The following PPM1H variants were observed in gnomAD, a reference collection of about 807,000 sequenced individuals.
PPM1H encodes protein phosphatase, Mg2+/Mn2+ dependent 1H.
A neutral mutation model predicts 54.9 loss-of-function variants in PPM1H; 27 were observed. That is an observed-to-expected ratio of 0.49 (90% CI 0.36 to 0.68). The LOEUF (loss-of-function observed/expected upper bound fraction) is 0.68. Among genes scored for constraint, PPM1H ranks in the 30% least tolerant of loss-of-function variants. The probability of loss-of-function intolerance (pLI) is 0.00; values close to 1 mark genes in which losing one functional copy is unlikely to be tolerated. For missense variants in PPM1H, 596 were observed against 667.8 expected, an observed-to-expected ratio of 0.89 and a Z score of 1.19; for synonymous variants, 305 against 270.8, an observed-to-expected ratio of 1.13 and a Z score of -1.24.
At chr12:62,721,510 G>A (rs939991268) in intron 5 of PPM1H, among the ~76,000 whole-genome samples, 1 of 152,260 alleles carries the variant, frequency 6.6e-6, no homozygotes, top group African/African-American at 2.4e-5. Flanking sequence ...TGGGAATTCT[G>A]GATCACTTTG....
At chr12:62,838,336 T>G (rs550766879) in intron 1 of PPM1H, among the ~76,000 whole-genome samples, 2,838 of 101,730 alleles carry the variant, frequency 0.028, 57 homozygotes, top group East Asian at 0.094. Flanking sequence ...TGTGTGTGTG[T>G]GTGGGGGGGG....
chr12:62,698,135 G>A (rs1194238535), intron 6 of PPM1H, among the ~76,000 whole-genome samples: 1 of 151,892 alleles, frequency 6.6e-6, no homozygotes, highest in African/African-American at 2.4e-5. Flanking sequence ...GGACTTCCTG[G>A]AAGGAGCAGT....
chr12:62,743,075 G>T (rs2076391207), intron 4 of PPM1H, among the ~76,000 whole-genome samples: 1 of 152,184 alleles, frequency 6.6e-6, no homozygotes, highest in Non-Finnish European at 1.5e-5. Flanking sequence ...CTCAGGCCGG[G>T]CGCAGTGGCT....
intron 2 of PPM1H, among the ~76,000 whole-genome samples, chr12:62,826,230 C>A (rs1323281427): frequency 6.6e-6 from 1 of 152,082 alleles, no homozygotes; most frequent in East Asian, 1.9e-4. Flanking sequence ...TGGGCAGATC[C>A]CCTGAGGTCA....
At position 62,646,699 on chromosome 12, in the gene PPM1H, C is replaced by CCAA. The variant is rs1013022966; in HGVS notation, c.*1787_*1789dup. 2 of 152,292 alleles carry CCAA rather than the reference C, an allele frequency of 1.3e-5. No homozygotes were observed. Among genetic ancestry groups the CCAA allele is most frequent in the African/African-American group, 4.8e-5 (2 of 41,460 alleles). The allele number at this position is 152,292 out of a possible 1,614,324, so 9.4% of individuals were successfully genotyped here. On this transcript the variant is annotated 3_prime_UTR_variant, in exon 10 of 10. Transcript: ENST00000228705. ...AGGCCGAAGTCCCATTCTTCCCAGG[C>CCAA]CAACACTTGCACAAACACCTGGTGG... is the stretch of plus-strand genomic sequence containing the variant.
chr12:62,656,326 T>TAACA (rs1486797368), intron 9 of PPM1H, among the ~76,000 whole-genome samples: 1 of 152,198 alleles, frequency 6.6e-6, no homozygotes, highest in Non-Finnish European at 1.5e-5. Flanking sequence ...AAGGCTCCTG[T>TAACA]AACAGCCATG....
chr12:62,729,097 G>A (rs1032712588), intron 5 of PPM1H, among the ~76,000 whole-genome samples: 6 of 152,140 alleles, frequency 3.9e-5, no homozygotes, highest in African/African-American at 1.4e-4. Flanking sequence ...CTAGGGGTTT[G>A]GGGCTCAAAG....
chr12:62,802,226 T>A (rs1375339874), intron 2 of PPM1H, 66 bp from the exon 3 acceptor site: 1 of 1,325,298 alleles, frequency 7.5e-7, no homozygotes, highest in Admixed American at 2.8e-5. Flanking sequence ...TCATACAGAT[T>A]GTGGGACATC....
chr12:62,933,681 G>A (rs943230299), intron 1 of PPM1H, among the ~76,000 whole-genome samples: 1 of 152,136 alleles, frequency 6.6e-6, no homozygotes, highest in African/African-American at 2.4e-5. Context: ...AATAGTCAGT[G>A]GAAAAGTGGC....
At chr12:62,874,498 A>ATT (rs58540082) in intron 1 of PPM1H, among the ~76,000 whole-genome samples, 95 of 148,028 alleles carry the variant, frequency 6.4e-4, no homozygotes, top group African/African-American at 1.9e-3. Context: ...GCCAGCTACC[A>ATT]TTTTTTTTTT....
At chr12:62,789,930 G>T (rs2076693860) in intron 3 of PPM1H, among the ~76,000 whole-genome samples, 1 of 152,230 alleles carries the variant, frequency 6.6e-6, no homozygotes, top group Non-Finnish European at 1.5e-5. Flanking sequence ...TACATTGAAT[G>T]CCTGGCTAAA....
intron 1 of PPM1H, among the ~76,000 whole-genome samples, chr12:62,894,229 A>AT (rs1870900724): frequency 2.0e-5 from 3 of 152,194 alleles, no homozygotes; most frequent in Non-Finnish European, 4.4e-5. Flanking sequence ...AGATGACGGG[A>AT]ATAACTTCCG....
intron 3 of PPM1H, among the ~76,000 whole-genome samples, chr12:62,794,844 T>C (rs1438286039): frequency 6.6e-6 from 1 of 152,070 alleles, no homozygotes; most frequent in South Asian, 2.1e-4. Flanking sequence ...AATATAAATA[T>C]AATAGGTGAC....
intron 1 of PPM1H, among the ~76,000 whole-genome samples, chr12:62,911,462 C>T (rs978180684): frequency 6.8e-6 from 1 of 147,282 alleles, no homozygotes; most frequent in Non-Finnish European, 1.5e-5. Flanking sequence ...ATTTACTGAC[C>T]TTAATTACCT....
chr12:62,794,482 C>T (rs765100759), intron 3 of PPM1H, among the ~76,000 whole-genome samples: 1 of 152,054 alleles, frequency 6.6e-6, no homozygotes, highest in Non-Finnish European at 1.5e-5. Context: ...TATAGTAGTT[C>T]CATAAGTTAA....
rs1276465014 is a variant in PPM1H, at chr12:62,934,595, C to A, written c.142G>T (p.Gly48Trp). The stretch of plus-strand genomic sequence containing the variant: ...CACTCCACCTCGTCCTGAGACAGCC[C>A]CAGGAACTCTGGCCGCCCGTAGGGG... ...RFPYGRPEFL[G>W]LSQDEVECSA... Residue 48 changes from glycine to tryptophan, a missense_variant, in exon 1 of 10, where the codon GGG becomes TGG. Physicochemically the swap from Gly to Trp is radical, Grantham distance 184. Coordinates refer to ENST00000228705, the MANE Select transcript of PPM1H (RefSeq NM_020700.2). The surrounding 1 kb of genome is among the most constrained non-coding windows in gnomAD (Gnocchi z 4.2). 6.4e-6 allele frequency: 10 copies of A among 1,572,128 alleles called. No homozygotes were observed. The South Asian group carries it at 9.3e-5, about 15-fold the overall frequency.
At position 62,650,806 on chromosome 12, in the gene PPM1H, G is replaced by A. The variant is rs1020832953; in HGVS notation, c.1398-2170C>T. Among the ~76,000 whole-genome samples, 4 of 152,070 alleles carry A rather than the reference G, an allele frequency of 2.6e-5. No homozygotes were observed. The East Asian group carries it at 5.8e-4, about 22-fold the overall frequency. On this transcript the variant is annotated intron_variant, in intron 9 of 9. Transcript: ENST00000228705. ...TCACTCACTATCGTAAGAACAGCAT[G>A]GGGGAACTCGGTCCCCATGATCTAA... is the stretch of plus-strand genomic sequence containing the variant.
intron 6 of PPM1H, among the ~76,000 whole-genome samples, chr12:62,710,481 G>A (rs977967608): frequency 6.7e-6 from 1 of 149,240 alleles, no homozygotes; most frequent in Non-Finnish European, 1.5e-5. Flanking sequence ...GCAGTGGGCT[G>A]AGATCACACC....
intron 4 of PPM1H, 49 bp from the exon 5 acceptor site, chr12:62,737,635 G>T: frequency 7.7e-7 from 1 of 1,305,858 alleles, no homozygotes; most frequent in South Asian, 1.3e-5. Context: ...TAAATGCTCT[G>T]ATTCTGTTAC....
Sources: allele counts gnomAD v4.1 joint callset (sites outside exome capture counted in the v4.1 genomes callset), GRCh38; gene constraint gnomAD v4.1.1; non-coding constraint Gnocchi (gnomAD v3.1); transcripts MANE v1.5; gene names NCBI Gene and HGNC (gene_info 2026-07-23, HGNC 2026-07-21).